Variants in B3GALT1 observed in about 807,000 individuals in gnomAD.
B3GALT1 encodes UDP-Gal:betaGlcNAc beta 1,3-galactosyltransferase, polypeptide 1.
In B3GALT1, 10 loss-of-function variants were observed where a neutral mutation model predicts 23.2. The ratio of observed to expected loss-of-function variants is 0.43; its 90% CI spans 0.27 to 0.73. The LOEUF (loss-of-function observed/expected upper bound fraction) is 0.73. Among genes scored for constraint, B3GALT1 ranks in the 30% least tolerant of loss-of-function variants. The probability of loss-of-function intolerance (pLI) is 0.21; values close to 1 mark genes in which losing one functional copy is unlikely to be tolerated. For synonymous variants in B3GALT1, 156 were observed against 141.5 expected (o/e 1.10, Z -0.73); for missense variants, 299 against 405.4 (o/e 0.74, Z 2.25).
intron 2 of B3GALT1, among the ~76,000 whole-genome samples, chr2:167,555,146 T>A (rs1241237490): frequency 6.6e-6 from 1 of 152,188 alleles, no homozygotes; most frequent in Non-Finnish European, 1.5e-5. Context: ...AAAGTCACAG[T>A]TTCTATCCAA....
intron 3 of B3GALT1, among the ~76,000 whole-genome samples, chr2:167,745,096 A>AT (rs35647330): frequency 0.15 from 22,948 of 151,540 alleles, 2,091 homozygotes; most frequent in Non-Finnish European, 0.21. Flanking sequence ...AATGAAAACT[A>AT]TTTTTTGTCT....
chr2:167,570,982 A>G (rs756260614), intron 2 of B3GALT1, among the ~76,000 whole-genome samples: 69 of 151,980 alleles, frequency 4.5e-4, no homozygotes, highest in Non-Finnish European at 5.9e-4. Context: ...TCTCATACAT[A>G]ATAACATCCT....
chr2:167,562,434 A>G (rs1288426008), intron 2 of B3GALT1, among the ~76,000 whole-genome samples: 2 of 152,100 alleles, frequency 1.3e-5, no homozygotes, highest in African/African-American at 2.4e-5. Context: ...CCTATTCAAC[A>G]TAGTGTTGGA....
At chr2:167,385,660 T>A (rs1697918807) in intron 1 of B3GALT1, among the ~76,000 whole-genome samples, 1 of 152,180 alleles carries the variant, frequency 6.6e-6, no homozygotes, top group Admixed American at 6.5e-5. Flanking sequence ...AAGACCATAC[T>A]GCTAGGAAAT....
In B3GALT1 at chr2:167,869,726, C is replaced by T. The variant is rs1336747972; in HGVS notation, c.687C>T (p.Asp229=). The T allele has an allele frequency of 2.5e-6, 4 of 1,614,166 alleles. No individual in the cohort carries two copies. Among genetic ancestry groups the T allele is most frequent in the Non-Finnish European group, 3.4e-6 (4 of 1,180,022 alleles). The stretch of plus-strand genomic sequence containing the variant: ...ATATGCCCAGGGATTTGTACCCAGA[C>T]AGTAACTACCCACCTTTCTGTTCGG... ...KWYMPRDLYP[D]SNYPPFCSGT... The change falls in exon 5 of 5, where the codon GAC becomes GAT. Residue 229 remains aspartate (D), a synonymous_variant. Transcript: ENST00000392690. This position sits in a 1 kb window ranked among gnomAD's most constrained non-coding sequence, Gnocchi z 6.4.
chr2:167,831,243 C>A (rs930800986), intron 4 of B3GALT1, among the ~76,000 whole-genome samples: 1 of 152,220 alleles, frequency 6.6e-6, no homozygotes. Flanking sequence ...TAATTCAGCG[C>A]TCCCACAGTT....
At chr2:167,431,947 T>C (rs1698713299) in intron 1 of B3GALT1, among the ~76,000 whole-genome samples, 1 of 152,186 alleles carries the variant, frequency 6.6e-6, no homozygotes, top group Admixed American at 6.5e-5. Flanking sequence ...TTTAAAATTC[T>C]TTCTACTTGA....
At chr2:167,472,332 C>T (rs1164286261) in intron 1 of B3GALT1, among the ~76,000 whole-genome samples, 1 of 152,084 alleles carries the variant, frequency 6.6e-6, no homozygotes, top group African/African-American at 2.4e-5. Flanking sequence ...GGGCTATTAA[C>T]AAGAATGGAC....
At chr2:167,573,974 G>T (rs1045791836) in intron 2 of B3GALT1, among the ~76,000 whole-genome samples, 1 of 151,604 alleles carries the variant, frequency 6.6e-6, no homozygotes, top group Non-Finnish European at 1.5e-5. Context: ...ATATGTAAGA[G>T]TAACAATATG....
intron 1 of B3GALT1, 47 bp from the exon 2 acceptor site, chr2:167,490,130 A>G (rs1024339658): frequency 2.0e-5 from 3 of 152,340 alleles, no homozygotes; most frequent in Non-Finnish European, 4.4e-5. Flanking sequence ...TGCTAATGTC[A>G]GCTGAAGTGC....
At chr2:167,653,803 A>G (rs73015492) in intron 3 of B3GALT1, among the ~76,000 whole-genome samples, 6,099 of 152,296 alleles carry the variant, frequency 0.04, 263 homozygotes, top group African/African-American at 0.1. Flanking sequence ...CACCACTGCC[A>G]GTGCCCTGGT....
chr2:167,582,147 G>C (rs1196940431), intron 2 of B3GALT1, among the ~76,000 whole-genome samples: 2 of 152,148 alleles, frequency 1.3e-5, no homozygotes, highest in East Asian at 1.9e-4. Context: ...TAAAACACCA[G>C]CTGTTAATGT....
chr2:167,626,295 A>G (rs1201744062), intron 2 of B3GALT1, among the ~76,000 whole-genome samples: 1 of 151,674 alleles, frequency 6.6e-6, no homozygotes, highest in Admixed American at 6.6e-5. Context: ...AAACCCATAT[A>G]GATCTTCTTT....
At chr2:167,796,308 T>C (rs1413711986) in intron 3 of B3GALT1, among the ~76,000 whole-genome samples, 1 of 152,250 alleles carries the variant, frequency 6.6e-6, no homozygotes, top group Non-Finnish European at 1.5e-5. Flanking sequence ...TTGGATCTGA[T>C]TTTTCACTTT....
At chr2:167,718,322 A>G (rs560014455) in intron 3 of B3GALT1, among the ~76,000 whole-genome samples, 1 of 152,084 alleles carries the variant, frequency 6.6e-6, no homozygotes, top group African/African-American at 2.4e-5. Flanking sequence ...CTCTCTTATG[A>G]TTCATGAAAC....
intron 1 of B3GALT1, among the ~76,000 whole-genome samples, chr2:167,366,687 T>C (rs929804792): frequency 1.3e-5 from 2 of 152,220 alleles, no homozygotes; most frequent in Admixed American, 1.3e-4. Flanking sequence ...AGGGAGTTGC[T>C]CATCTCTGCT....
intron 3 of B3GALT1, among the ~76,000 whole-genome samples, chr2:167,648,425 T>A (rs902440207): frequency 6.6e-6 from 1 of 152,094 alleles, no homozygotes; most frequent in Non-Finnish European, 1.5e-5. Flanking sequence ...GTCCATCTCA[T>A]TATGCTCCTT....
At chr2:167,849,699 A>G (rs1351885734) in intron 4 of B3GALT1, among the ~76,000 whole-genome samples, 1 of 152,102 alleles carries the variant, frequency 6.6e-6, no homozygotes, top group Non-Finnish European at 1.5e-5. Flanking sequence ...CATCCTGGCT[A>G]ACACAGTGAA....
chr2:167,563,930 CG>C (rs1684086054), intron 2 of B3GALT1, among the ~76,000 whole-genome samples: 1 of 65,312 alleles, frequency 1.5e-5, no homozygotes, highest in Non-Finnish European at 2.9e-5. Flanking sequence ...CCCTCCCAGA[CG>C]GGGCGGCTGG....
Sources: allele counts gnomAD v4.1 joint callset (sites outside exome capture counted in the v4.1 genomes callset), GRCh38; gene constraint gnomAD v4.1.1; non-coding constraint Gnocchi (gnomAD v3.1); transcripts MANE v1.5; gene names NCBI Gene and HGNC (gene_info 2026-07-23, HGNC 2026-07-21).